STXBP3: variants seen among roughly 807,000 people sequenced by gnomAD.
STXBP3 encodes the protein syntaxin-binding protein 3.
A neutral mutation model predicts 85.7 loss-of-function variants in STXBP3; 41 were observed. The ratio of observed to expected loss-of-function variants is 0.48; its 90% CI spans 0.37 to 0.62. The LOEUF (loss-of-function observed/expected upper bound fraction) is 0.62. Ranked by LOEUF, STXBP3 falls within the 20% of genes least tolerant of loss-of-function variation. The pLI, the probability that STXBP3 is intolerant of heterozygous loss-of-function variation, is 0.00. For synonymous variants in STXBP3, 229 were observed against 231.7 expected (o/e 0.99, Z 0.10); for missense variants, 563 against 703.1 (o/e 0.80, Z 2.25).
intron 11 of STXBP3, among the ~76,000 whole-genome samples, chr1:108,785,665 G>A (rs1032120632): frequency 1.3e-5 from 2 of 152,026 alleles, no homozygotes; most frequent in Admixed American, 6.6e-5. Flanking sequence ...CTATCATATC[G>A]TCAGGCTGCA....
chr1:108,808,999 C>T lies in STXBP3; in HGVS notation c.*122C>T. On this transcript the variant is annotated 3_prime_UTR_variant, in exon 19 of 19. Coordinates refer to ENST00000370008, the MANE Select transcript of STXBP3 (RefSeq NM_007269.4). ...TTATGGAATAATGGCTTTTCAAATA[C>T]ATTTCTTAAGGAACTGTTTATGATT... 1.5e-6 allele frequency: 1 copy of T among 655,666 alleles called. No homozygotes were observed. The highest frequency in any genetic ancestry group is 3.3e-5 in the Admixed American group (1 of 30,060). The allele number at this position is 655,666 out of a possible 1,614,324, so 40.6% of individuals were successfully genotyped here. A position where few individuals can be genotyped will look rare whatever the true frequency, so the allele number is the denominator to read the frequency against.
intron 11 of STXBP3, among the ~76,000 whole-genome samples, chr1:108,783,064 A>G (rs1662749774): frequency 6.6e-6 from 1 of 152,030 alleles, no homozygotes; most frequent in Non-Finnish European, 1.5e-5. Context: ...TAATTTTTGT[A>G]TTTTTAGTAG....
At chr1:108,805,495 G>A (rs981252111) in intron 17 of STXBP3, among the ~76,000 whole-genome samples, 1 of 149,198 alleles carries the variant, frequency 6.7e-6, no homozygotes, top group South Asian at 2.1e-4. Context: ...TGTGATCTTG[G>A]CTCACTGCAA....
In STXBP3 at chr1:108,776,418, A is replaced by G. The variant is rs1164667068; in HGVS notation, c.679A>G (p.Ile227Val). The G allele has an allele frequency of 1.2e-6, 2 of 1,603,628 alleles. No homozygotes were observed. Among genetic ancestry groups the G allele is most frequent in the Admixed American group, 3.4e-5 (2 of 59,252 alleles). ...DYYKIDEKSL[I>V]KGKTHSQLLI... The stretch of plus-strand genomic sequence containing the variant: ...CTACAAGATTGATGAAAAGAGCCTA[A>G]TAAAGGTAATGTATGCAAGGCAAGT... Residue 227 changes from isoleucine (I) to valine (V), a missense_variant, in exon 8 of 19, where the codon ATA (isoleucine) becomes GTA (valine). By Grantham distance (29) the Ile-to-Val change is conservative (BLOSUM62 3). Coordinates refer to ENST00000370008, the MANE Select transcript of STXBP3 (RefSeq NM_007269.4).
At chr1:108,768,387 A>G (rs938534284) in intron 6 of STXBP3, among the ~76,000 whole-genome samples, 1 of 152,204 alleles carries the variant, frequency 6.6e-6, no homozygotes, top group Non-Finnish European at 1.5e-5. Flanking sequence ...GGAATGAGCC[A>G]CTGCACCAGC....
chr1:108,775,958 T>C (rs1662583831), intron 7 of STXBP3, among the ~76,000 whole-genome samples: 1 of 149,744 alleles, frequency 6.7e-6, no homozygotes, highest in African/African-American at 2.5e-5. Flanking sequence ...CACACATACA[T>C]ATGAAACAGA....
intron 15 of STXBP3, among the ~76,000 whole-genome samples, chr1:108,797,325 G>A (rs1042015008): frequency 2.9e-5 from 4 of 136,566 alleles, no homozygotes; most frequent in African/African-American, 1.1e-4. Flanking sequence ...CCAGCACAAA[G>A]TGAGACTCTG....
At chr1:108,802,895 A>C (rs1663261519) in intron 17 of STXBP3, among the ~76,000 whole-genome samples, 1 of 152,186 alleles carries the variant, frequency 6.6e-6, no homozygotes, top group Non-Finnish European at 1.5e-5. Context: ...ATGTTTGTGA[A>C]ATTTATCCCA....
chr1:108,790,501 A>AT lies in STXBP3; in HGVS notation c.964-3077dup, dbSNP rs771318970. On this transcript the variant is annotated intron_variant, in intron 11 of 18. Transcript: ENST00000370008. ...CTTCTTAAAAAGAGCTTGTAGTTGA[A>AT]TTTTGTTTTTTTATCCAGCCCAAAA... Among the ~76,000 whole-genome samples the AT allele has an allele frequency of 5.1e-4, 77 of 151,850 alleles. 2 individuals are homozygous for AT. Among genetic ancestry groups the AT allele is most frequent in the Non-Finnish European group, 9.6e-4 (65 of 67,954 alleles).
At chr1:108,808,342 T>C (rs1430720197) in intron 18 of STXBP3, among the ~76,000 whole-genome samples, 1 of 152,140 alleles carries the variant, frequency 6.6e-6, no homozygotes, top group Admixed American at 6.5e-5. Flanking sequence ...CAAAACTCCG[T>C]CTCTACAAAA....
At chr1:108,771,100 T>C (rs1305640874) in intron 6 of STXBP3, among the ~76,000 whole-genome samples, 1 of 151,922 alleles carries the variant, frequency 6.6e-6, no homozygotes, top group Non-Finnish European at 1.5e-5. Flanking sequence ...GAGTTAGATT[T>C]TTATTTTAGT....
intron 9 of STXBP3, chr1:108,781,503 T>G (rs1206243932): frequency 1.3e-5 from 2 of 152,208 alleles, no homozygotes; most frequent in Non-Finnish European, 2.9e-5. Flanking sequence ...CTTAAATTGT[T>G]GCTCACTTCA....
intron 16 of STXBP3, among the ~76,000 whole-genome samples, chr1:108,799,300 A>G (rs138343376): frequency 5.7e-4 from 87 of 152,304 alleles, no homozygotes; most frequent in Non-Finnish European, 1.1e-3. Flanking sequence ...CCTTTCTCAC[A>G]GGGATGATAT....
At chr1:108,782,627 G>A in intron 10 of STXBP3, 22 bp from the exon 11 acceptor site, 1 of 1,602,352 alleles carries the variant, frequency 6.2e-7, no homozygotes. Flanking sequence ...GAAATTTAAA[G>A]AATTCTCTCA....
chr1:108,791,587 T>G (rs1395481623), intron 11 of STXBP3, among the ~76,000 whole-genome samples: 1 of 152,098 alleles, frequency 6.6e-6, no homozygotes, highest in Non-Finnish European at 1.5e-5. Context: ...TAACCTGACT[T>G]TGAGTCCCCT....
At chr1:108,771,081 C>G (rs1221204182) in intron 6 of STXBP3, among the ~76,000 whole-genome samples, 2 of 151,858 alleles carry the variant, frequency 1.3e-5, no homozygotes, top group African/African-American at 4.8e-5. Context: ...TTGTGTTTCT[C>G]TGTGCTAGGA....
intron 6 of STXBP3, among the ~76,000 whole-genome samples, chr1:108,769,216 G>T (rs561475561): frequency 2.0e-4 from 30 of 152,206 alleles, no homozygotes; most frequent in South Asian, 1.5e-3. Context: ...TATTATGAAG[G>T]TCTTCATTCT....
At position 108,776,360 on chromosome 1, in the gene STXBP3, T is replaced by G. The variant is rs539693393; in HGVS notation, c.621T>G (p.Leu207=). The change falls in exon 8 of 19, where the codon CTT becomes CTG. Residue 207 remains leucine (L), a synonymous_variant. Transcript: ENST00000370008. Reference sequence around the variant, plus strand: ...AACCTCTAGATAATGCCAGTAAGCTTGCACAGCTTGTTGAAAAAAAGCTTG... The same window carrying G: ...AACCTCTAGATAATGCCAGTAAGCTGGCACAGCTTGTTGAAAAAAAGCTTG... ...KSKPLDNASK[L]AQLVEKKLED... 947 of 1,609,224 alleles carry G rather than the reference T, an allele frequency of 5.9e-4. 8 individuals carry two copies. In the South Asian group the frequency reaches 9.8e-3, roughly 17 times the overall value.
At chr1:108,773,732 A>T (rs1223775412) in intron 7 of STXBP3, among the ~76,000 whole-genome samples, 1 of 152,148 alleles carries the variant, frequency 6.6e-6, no homozygotes, top group Non-Finnish European at 1.5e-5. Flanking sequence ...AACATGCTGC[A>T]CATCTTTGGG....
Sources: allele counts gnomAD v4.1 joint callset (sites outside exome capture counted in the v4.1 genomes callset), GRCh38; gene constraint gnomAD v4.1.1; transcripts MANE v1.5; gene names NCBI Gene and HGNC (gene_info 2026-07-23, HGNC 2026-07-21).